STK38L: variants seen among roughly 807,000 people sequenced by gnomAD.
STK38L encodes serine/threonine kinase 38 like.
In STK38L, 28 loss-of-function variants were observed where a neutral mutation model predicts 59.7. The ratio of observed to expected loss-of-function variants is 0.47; its 90% CI spans 0.35 to 0.64. The LOEUF is 0.64. Among genes scored for constraint, STK38L ranks in the 30% least tolerant of loss-of-function variants. The probability of loss-of-function intolerance (pLI) is 0.01; values close to 1 mark genes in which losing one functional copy is unlikely to be tolerated. For synonymous variants in STK38L, 162 were observed against 176.8 expected, an observed-to-expected ratio of 0.92 and a Z score of 0.66; for missense variants, 314 against 555.8, an observed-to-expected ratio of 0.56 and a Z score of 4.37.
intron 1 of STK38L, among the ~76,000 whole-genome samples, chr12:27,274,495 C>T (rs1206622138): frequency 1.3e-5 from 2 of 152,146 alleles, no homozygotes; most frequent in African/African-American, 2.4e-5. Flanking sequence ...CATTTTATCA[C>T]GTCACTACTA....
chr12:27,245,907 A>T (rs1358351726), intron 1 of STK38L: 1 of 152,178 alleles, frequency 6.6e-6, no homozygotes, highest in Non-Finnish European at 1.5e-5. Context: ...ATGTGTTTAG[A>T]ATGAGAAGCA....
At chr12:27,276,234 C>T (rs151334312) in intron 1 of STK38L, among the ~76,000 whole-genome samples, 2 of 152,298 alleles carry the variant, frequency 1.3e-5, no homozygotes, top group African/African-American at 2.4e-5. Flanking sequence ...TACTCCCCTT[C>T]GCATTATTTT....
At chr12:27,287,518 G>C (rs955958114) in intron 1 of STK38L, among the ~76,000 whole-genome samples, 1 of 152,052 alleles carries the variant, frequency 6.6e-6, no homozygotes, top group Non-Finnish European at 1.5e-5. Flanking sequence ...TATTTTTGTA[G>C]AATGAAATGT....
chr12:27,296,159 G>A (rs1456609992), intron 1 of STK38L, among the ~76,000 whole-genome samples: 1 of 152,140 alleles, frequency 6.6e-6, no homozygotes, highest in Non-Finnish European at 1.5e-5. Context: ...GAGAAAAAAA[G>A]GGGGAAATCA....
chr12:27,266,574 AAC>A (rs1943306406), intron 1 of STK38L, among the ~76,000 whole-genome samples: 1 of 152,218 alleles, frequency 6.6e-6, no homozygotes, highest in African/African-American at 2.4e-5. Flanking sequence ...ATGTTCATAC[AAC>A]ACAGAGTGAT....
chr12:27,264,275 G>C (rs1943258603), intron 1 of STK38L, among the ~76,000 whole-genome samples: 1 of 152,156 alleles, frequency 6.6e-6, no homozygotes, highest in Non-Finnish European at 1.5e-5. Flanking sequence ...TTGAATGCTG[G>C]TAAGTAATGT....
chr12:27,271,991 T>C (rs1441759752), intron 1 of STK38L, among the ~76,000 whole-genome samples: 1 of 152,216 alleles, frequency 6.6e-6, no homozygotes, highest in Non-Finnish European at 1.5e-5. Flanking sequence ...TGAGCCACCG[T>C]ACTCATTAGC....
intron 1 of STK38L, among the ~76,000 whole-genome samples, chr12:27,263,188 C>T (rs1943237900): frequency 6.6e-6 from 1 of 152,102 alleles, no homozygotes; most frequent in Non-Finnish European, 1.5e-5. Context: ...TTTGAAGACT[C>T]TTAAGGAGTT....
intron 5 of STK38L, among the ~76,000 whole-genome samples, chr12:27,312,136 C>T (rs1944470368): frequency 6.6e-6 from 1 of 152,214 alleles, no homozygotes; most frequent in Admixed American, 6.5e-5. Flanking sequence ...GCCCTGGCCT[C>T]CCAAAGTGCT....
Position 27,322,198 on chromosome 12 carries a change from T to C in STK38L, c.1231T>C (p.Phe411Leu). The C allele has an allele frequency of 6.2e-7, 1 of 1,613,958 alleles. No homozygotes were observed. Among genetic ancestry groups the C allele is most frequent in the Non-Finnish European group, 8.5e-7 (1 of 1,179,944 alleles). Residue 411 changes from phenylalanine to leucine, a missense_variant, in exon 13 of 14, where the codon TTT becomes CTT. Transcript: ENST00000389032. The part of the protein sequence containing the change: ...EIKSIDDTSN[F>L]DDFPESDILQ... ...CAAAAGCATTGATGATACTTCAAAT[T>C]TTGATGACTTCCCTGAATCTGATAT...
intron 1 of STK38L, among the ~76,000 whole-genome samples, chr12:27,266,636 A>C (rs1369135960): frequency 6.6e-6 from 1 of 152,184 alleles, no homozygotes; most frequent in African/African-American, 2.4e-5. Context: ...GTTTGATCCC[A>C]CTTGTCCAGG....
At chr12:27,278,542 G>A (rs1157778097) in intron 1 of STK38L, among the ~76,000 whole-genome samples, 1 of 152,094 alleles carries the variant, frequency 6.6e-6, no homozygotes, top group Non-Finnish European at 1.5e-5. Context: ...ACATTGATAG[G>A]TGCTAGTACC....
At chr12:27,296,161 G>A (rs1332075376) in intron 1 of STK38L, among the ~76,000 whole-genome samples, 1 of 152,086 alleles carries the variant, frequency 6.6e-6, no homozygotes, top group East Asian at 1.9e-4. Context: ...GAAAAAAAGG[G>A]GGAAATCAGT....
At chr12:27,279,939 C>A (rs577054229) in intron 1 of STK38L, among the ~76,000 whole-genome samples, 1 of 152,236 alleles carries the variant, frequency 6.6e-6, no homozygotes, top group East Asian at 1.9e-4. Context: ...CAATTACTGG[C>A]TGTAGGTCTT....
At chr12:27,268,089 C>T (rs139736985) in intron 1 of STK38L, among the ~76,000 whole-genome samples, 1,820 of 152,032 alleles carry the variant, frequency 0.012, 37 homozygotes, top group African/African-American at 0.038. Flanking sequence ...TTCTGCTAGT[C>T]GGTGGCTTAT....
At chr12:27,300,029 C>T (rs1236547746) in intron 2 of STK38L, among the ~76,000 whole-genome samples, 1 of 152,132 alleles carries the variant, frequency 6.6e-6, no homozygotes, top group East Asian at 1.9e-4. Context: ...TAAAAAAATT[C>T]ATCAGAATTT....
chr12:27,298,083 A>G, intron 2 of STK38L: 2 of 422,076 alleles, frequency 4.7e-6, no homozygotes, highest in Non-Finnish European at 8.3e-6. Flanking sequence ...ATGCCAATTA[A>G]CGTTTTAAAC....
At chr12:27,280,341 A>G (rs1287684643) in intron 1 of STK38L, among the ~76,000 whole-genome samples, 1 of 152,220 alleles carries the variant, frequency 6.6e-6, no homozygotes, top group Non-Finnish European at 1.5e-5. Flanking sequence ...TCTGTGAGAA[A>G]TTGAGCAAGT....
chr12:27,309,383 T>C (rs777257011), intron 5 of STK38L, among the ~76,000 whole-genome samples, 186 bp downstream of exon 5: 8 of 152,232 alleles, frequency 5.3e-5, no homozygotes, highest in Non-Finnish European at 1.0e-4. Context: ...TCTATGTATG[T>C]CTGCTTAGAC....
Sources: gnomAD v4.1 joint callset for allele counts (sites outside exome capture counted in the v4.1 genomes callset) on GRCh38, gnomAD v4.1.1 for gene constraint, MANE v1.5 for transcripts, NCBI Gene and HGNC (gene_info 2026-07-23, HGNC 2026-07-21) for gene names.